NEMF: variants seen among roughly 807,000 people sequenced by gnomAD.
The protein encoded by NEMF is nuclear export mediator factor.
A neutral mutation model predicts 162.2 loss-of-function variants in NEMF; 89 were observed. The ratio of observed to expected loss-of-function variants is 0.55; its 90% CI spans 0.46 to 0.65. The LOEUF (loss-of-function observed/expected upper bound fraction) is 0.65, where lower values mean the gene tolerates loss of function less well. Among genes scored for constraint, NEMF ranks in the 30% least tolerant of loss-of-function variants. The pLI, the probability that NEMF is intolerant of heterozygous loss-of-function variation, is 0.00. For missense variants in NEMF, 1,133 were observed against 1,261.9 expected, an observed-to-expected ratio of 0.90 and a Z score of 1.55; for synonymous variants, 421 against 404.5, an observed-to-expected ratio of 1.04 and a Z score of -0.49.
chr14:49,796,225 CT>C lies in NEMF; in HGVS notation c.2466-282del, dbSNP rs758980145. 42 of 512,632 alleles carry C rather than the reference CT, an allele frequency of 8.2e-5. 1 individual carries two copies. Among genetic ancestry groups the C allele is most frequent in the South Asian group, 3.2e-4 (21 of 65,048 alleles). The allele number at this position is 512,632 out of a possible 1,614,324, so 31.8% of individuals were successfully genotyped here. ...CTTACTCACTAGGCACATTTTGCCC[CT>C]GATCACCTTGATGGCCAGGCACTGG... On this transcript the variant is annotated intron_variant, in intron 25 of 32. Coordinates refer to ENST00000298310, the MANE Select transcript of NEMF (RefSeq NM_004713.6).
chr14:49,799,385 T>C, intron 25 of NEMF, 90 bp downstream of exon 25: 1 of 1,101,740 alleles, frequency 9.1e-7, no homozygotes, highest in Non-Finnish European at 1.3e-6. Flanking sequence ...AGGAAGTCTT[T>C]AAACAGCTAA....
At chr14:49,819,841 T>A (rs1014224279) in intron 16 of NEMF, among the ~76,000 whole-genome samples, 1 of 152,190 alleles carries the variant, frequency 6.6e-6, no homozygotes, top group Non-Finnish European at 1.5e-5. Context: ...TCCAGTGCCC[T>A]CCCTTCACTT....
At chr14:49,813,501 A>G (rs1891573884) in intron 18 of NEMF, among the ~76,000 whole-genome samples, 1 of 152,192 alleles carries the variant, frequency 6.6e-6, no homozygotes, top group South Asian at 2.1e-4. Context: ...GTTGGGTATT[A>G]AAGTCCTCAA....
chr14:49,838,863 C>T (rs897483988), intron 5 of NEMF, among the ~76,000 whole-genome samples: 2 of 152,050 alleles, frequency 1.3e-5, no homozygotes, highest in Admixed American at 6.6e-5. Context: ...GGATTACAGG[C>T]GTGAGACACC....
intron 14 of NEMF, 32 bp downstream of exon 14, chr14:49,828,584 C>A: frequency 6.8e-7 from 1 of 1,476,892 alleles, no homozygotes; most frequent in South Asian, 1.4e-5. Context: ...GCAGATAACA[C>A]TTGGCCTAAA....
At chr14:49,841,937 CT>C (rs1893233329) in intron 4 of NEMF, among the ~76,000 whole-genome samples, 1 of 152,098 alleles carries the variant, frequency 6.6e-6, no homozygotes, top group Admixed American at 6.6e-5. Context: ...GAAACCCCGT[CT>C]CTACTAAAAA....
chr14:49,852,278 C>A (rs992381608), intron 1 of NEMF, among the ~76,000 whole-genome samples: 5 of 152,198 alleles, frequency 3.3e-5, no homozygotes, highest in Non-Finnish European at 7.3e-5. Flanking sequence ...CTGCTCAATC[C>A]AGCTAAAACC....
At chr14:49,827,453 C>A (rs1391644245) in intron 15 of NEMF, among the ~76,000 whole-genome samples, 1 of 151,676 alleles carries the variant, frequency 6.6e-6, no homozygotes, top group African/African-American at 2.4e-5. Context: ...TTCCAAAGTG[C>A]TGGAATTACA....
Position 49,789,512 on chromosome 14 carries a change from A to G in NEMF, c.2681T>C (p.Ile894Thr), listed in dbSNP as rs748304897. The change falls in exon 27 of 33, where the codon ATC becomes ACC. Residue 894 changes from isoleucine to threonine, a missense_variant. Ile to Thr is a moderately conservative substitution (Grantham distance 89). This residue lies in a region of NEMF where 532 missense variants were observed against 578.6 expected (regional missense o/e 0.92). Transcript: ENST00000298310. ...GTTATTTACCCCCAGCAACTTCATGATAAGTTCACGGTCTTCTTCATCCTG... is the reference window on the plus strand; with the variant it reads ...GTTATTTACCCCCAGCAACTTCATGGTAAGTTCACGGTCTTCTTCATCCTG... ...KDQDEEDREL[I>T]MKLLGSAGSN... 1.1e-5 allele frequency: 18 copies of G among 1,612,146 alleles called. No individual in the cohort carries two copies. Among genetic ancestry groups the G allele is most frequent in the East Asian group, 4.5e-5 (2 of 44,882 alleles).
intron 18 of NEMF, among the ~76,000 whole-genome samples, chr14:49,812,678 T>C (rs567766150): frequency 7.2e-5 from 11 of 152,230 alleles, no homozygotes; most frequent in African/African-American, 2.7e-4. Context: ...ATAACTGTGG[T>C]ATTTAATTTC....
At chr14:49,833,174 G>A (rs942218662) in intron 8 of NEMF, among the ~76,000 whole-genome samples, 2 of 152,134 alleles carry the variant, frequency 1.3e-5, no homozygotes, top group African/African-American at 4.8e-5. Flanking sequence ...GCTGAGACAG[G>A]AGAATCACTT....
chr14:49,789,929 G>A (rs1288627306), intron 26 of NEMF, among the ~76,000 whole-genome samples: 1 of 152,164 alleles, frequency 6.6e-6, no homozygotes, highest in African/African-American at 2.4e-5. Context: ...CATGGAGGAA[G>A]AACAGGAAAT....
chr14:49,802,317 A>C, intron 22 of NEMF, 136 bp downstream of exon 22: 2 of 845,976 alleles, frequency 2.4e-6, no homozygotes, highest in Non-Finnish European at 1.8e-6. Flanking sequence ...ATTCAGTAAA[A>C]CAGCACGTAC....
At chr14:49,852,668 C>G (rs1286892813) in intron 1 of NEMF, 27 bp downstream of exon 1, 10 of 1,613,452 alleles carry the variant, frequency 6.2e-6, no homozygotes, top group African/African-American at 2.7e-5. Context: ...ACTCCCCACA[C>G]GAGCCTCGTC....
chr14:49,809,679 G>T (rs1298631003), intron 18 of NEMF, among the ~76,000 whole-genome samples: 1 of 152,078 alleles, frequency 6.6e-6, no homozygotes, highest in Non-Finnish European at 1.5e-5. Flanking sequence ...GGCCAACATA[G>T]TAAAACCCTG....
intron 26 of NEMF, among the ~76,000 whole-genome samples, chr14:49,795,112 A>T (rs1783218083): frequency 6.6e-6 from 1 of 151,996 alleles, no homozygotes; most frequent in Admixed American, 6.6e-5. Context: ...AGGCAGGAAG[A>T]TCACTTGAGC....
rs1555343651 is a variant in NEMF at position 49,782,406 on chromosome 14, A to AGTAATTGTTTTTGGTGGATGT, written c.*2209_*2229dup. ...CAGCTTGTGCCAGCGATGAAGGAGA[A>AGTAATTGTTTTTGGTGGATGT]GTAATTGTTTTTGGTGGATGTGCCA... is the stretch of plus-strand genomic sequence containing the variant. On this transcript the variant is annotated 3_prime_UTR_variant, in exon 33 of 33. Coordinates refer to ENST00000298310, the MANE Select transcript of NEMF (RefSeq NM_004713.6). 6.2e-7 allele frequency: 1 copy of AGTAATTGTTTTTGGTGGATGT among 1,612,612 alleles called. No homozygotes were observed. Among genetic ancestry groups the AGTAATTGTTTTTGGTGGATGT allele is most frequent in the Non-Finnish European group, 8.5e-7 (1 of 1,178,814 alleles).
Position 49,783,014 on chromosome 14 carries a change from A to G in NEMF, c.*1622T>C, listed in dbSNP as rs1186446283. The G allele has an allele frequency of 1.9e-6, 3 of 1,539,176 alleles. No individual in the cohort carries two copies. In the African/African-American group the frequency reaches 4.1e-5, roughly 21 times the overall value. On this transcript the variant is annotated 3_prime_UTR_variant, in exon 33 of 33. Transcript: ENST00000298310. ...GACAGCAATCCTGTAAACATCACAGAGTGGCATCATTTGTATAATTATATG... is the reference window on the plus strand; with the variant it reads ...GACAGCAATCCTGTAAACATCACAGGGTGGCATCATTTGTATAATTATATG...
chr14:49,851,502 T>G (rs1893773000), intron 3 of NEMF, 61 bp downstream of exon 3: 1 of 1,167,252 alleles, frequency 8.6e-7, no homozygotes, highest in African/African-American at 1.5e-5. Context: ...AAACCCCAAT[T>G]AAAAACTTAA....
Sources: allele counts gnomAD v4.1 joint callset (sites outside exome capture counted in the v4.1 genomes callset), GRCh38; gene constraint gnomAD v4.1.1; regional missense constraint gnomAD v4.1.1; transcripts MANE v1.5; gene names NCBI Gene and HGNC (gene_info 2026-07-23, HGNC 2026-07-21).